Variants in CSMD1 observed in about 807,000 individuals in gnomAD.
The protein encoded by CSMD1 is CUB and sushi domain-containing protein 1.
Under a neutral mutation model 417.5 loss-of-function variants are expected in CSMD1, and 213 were observed. The ratio of observed to expected loss-of-function variants is 0.51; its 90% CI spans 0.46 to 0.57. The LOEUF is 0.57. Ranked by LOEUF, CSMD1 falls within the 20% of genes least tolerant of loss-of-function variation. The pLI is 0.00. For missense variants in CSMD1, 6,923 were observed against 4,529.7 expected (o/e 1.53, Z -15.17); for synonymous variants, 2,862 against 1,736.8 (o/e 1.65, Z -16.11).
intron 7 of CSMD1, among the ~76,000 whole-genome samples, chr8:3,663,044 G>T (rs1030758080): frequency 6.6e-6 from 1 of 152,096 alleles, no homozygotes; most frequent in East Asian, 1.9e-4. Context: ...TTGTCTGGCA[G>T]TGGGAATAAA....
chr8:3,900,213 G>T (rs1428474176), intron 5 of CSMD1, among the ~76,000 whole-genome samples: 1 of 152,144 alleles, frequency 6.6e-6, no homozygotes, highest in South Asian at 2.1e-4. Context: ...TGACAGTGGA[G>T]CTGGGTGACA....
intron 6 of CSMD1, among the ~76,000 whole-genome samples, chr8:3,713,015 G>T (rs545355515): frequency 6.6e-6 from 1 of 152,054 alleles, no homozygotes; most frequent in African/African-American, 2.4e-5. Flanking sequence ...CGCAAACCAA[G>T]AAGTATGTGA....
At chr8:3,471,595 C>T (rs892529086) in intron 11 of CSMD1, among the ~76,000 whole-genome samples, 2 of 144,072 alleles carry the variant, frequency 1.4e-5, no homozygotes, top group Admixed American at 7.0e-5. Context: ...TCCTTCCCTC[C>T]CTCCTTCTTC....
rs141055413 is a variant in CSMD1, at chr8:4,965,022, T to C, written c.85+29310A>G. ...ACTTCAAAAACTGTCCTCCACAATA[T>C]GCACGTTGCTTTACTTTAAAGAAGG... On this transcript the variant is annotated intron_variant, in intron 1 of 69. Coordinates refer to ENST00000635120, the MANE Select transcript of CSMD1 (RefSeq NM_033225.6). Among the ~76,000 whole-genome samples, 467 of 152,290 alleles carry C rather than the reference T, an allele frequency of 3.1e-3. 5 individuals carry two copies. The highest frequency in any genetic ancestry group is 0.011 in the African/African-American group (437 of 41,568).
intron 1 of CSMD1, among the ~76,000 whole-genome samples, chr8:4,792,236 C>A (rs902484131): frequency 2.6e-5 from 4 of 152,088 alleles, no homozygotes; most frequent in African/African-American, 2.4e-5. Flanking sequence ...ATGTATAGAA[C>A]TGAAAAATAA....
chr8:3,486,621 G>A (rs1042831981), intron 11 of CSMD1, among the ~76,000 whole-genome samples: 8 of 152,204 alleles, frequency 5.3e-5, no homozygotes, highest in African/African-American at 1.9e-4. Context: ...TCAGCTGCCT[G>A]GAGCCCAGAT....
At chr8:4,974,264 G>A (rs1401753401) in intron 1 of CSMD1, among the ~76,000 whole-genome samples, 1 of 151,540 alleles carries the variant, frequency 6.6e-6, no homozygotes, top group Non-Finnish European at 1.5e-5. Context: ...GACCTCATGT[G>A]ATCCACCTGT....
intron 10 of CSMD1, among the ~76,000 whole-genome samples, chr8:3,550,033 G>A (rs1798841037): frequency 1.3e-5 from 2 of 152,092 alleles, no homozygotes; most frequent in South Asian, 2.1e-4. Flanking sequence ...ATTTAACTCT[G>A]ATTTTTCTTG....
At chr8:3,809,697 A>G (rs1800953929) in intron 5 of CSMD1, among the ~76,000 whole-genome samples, 1 of 152,180 alleles carries the variant, frequency 6.6e-6, no homozygotes, top group African/African-American at 2.4e-5. Flanking sequence ...CCACACTTCC[A>G]GAGACACTGC....
chr8:4,697,434 G>T (rs192641593), intron 1 of CSMD1, among the ~76,000 whole-genome samples: 4 of 152,046 alleles, frequency 2.6e-5, no homozygotes, highest in African/African-American at 4.8e-5. Context: ...GCTCATATTT[G>T]CTTACAGAGG....
chr8:2,978,658 G>C lies in CSMD1; in HGVS notation c.8520C>G (p.Thr2840=), dbSNP rs113793430. 6,584 of 1,607,230 alleles carry C rather than the reference G, an allele frequency of 4.1e-3. 14 individuals are homozygous for C. The highest frequency in any genetic ancestry group is 5.0e-3 in the Non-Finnish European group (5,919 of 1,176,726). The change falls in exon 55 of 70, where the codon ACC becomes ACG. Residue 2840 remains threonine, a synonymous_variant. Transcript: ENST00000635120. The part of the protein sequence containing the change: ...GFYLLGSSAL[T]CMANGLWDRS... The stretch of plus-strand genomic sequence containing the variant: ...GGTCCCATAAGCCATTTGCCATACA[G>C]GTCAAGGCTGAAGATCCCAGCAAGT...
chr8:3,169,417 A>G, intron 37 of CSMD1, among the ~76,000 whole-genome samples: 1 of 152,024 alleles, frequency 6.6e-6, no homozygotes, highest in South Asian at 2.1e-4. Context: ...AGCCAGTATC[A>G]AAAAAAAGAC....
intron 26 of CSMD1, among the ~76,000 whole-genome samples, chr8:3,231,317 C>CT (rs1741300774): frequency 6.6e-6 from 1 of 152,066 alleles, no homozygotes; most frequent in South Asian, 2.1e-4. Context: ...TAAAAGCTGA[C>CT]TTTTTCTCTG....
At chr8:3,787,797 T>G (rs1215753077) in intron 5 of CSMD1, among the ~76,000 whole-genome samples, 3 of 152,236 alleles carry the variant, frequency 2.0e-5, no homozygotes, top group Non-Finnish European at 4.4e-5. Context: ...CACTTTTTAG[T>G]ACTTTAAATG....
At chr8:4,890,651 G>C (rs966203703) in intron 1 of CSMD1, among the ~76,000 whole-genome samples, 16 of 152,004 alleles carry the variant, frequency 1.1e-4, no homozygotes, top group African/African-American at 3.6e-4. Context: ...TCCTGGGCAG[G>C]ACAGATGAGA....
intron 2 of CSMD1, among the ~76,000 whole-genome samples, chr8:4,620,610 G>A (rs1414719569): frequency 6.6e-6 from 1 of 151,798 alleles, no homozygotes; most frequent in African/African-American, 2.4e-5. Flanking sequence ...AAATAAGACT[G>A]CTTGAAAAGC....
chr8:3,173,977 T>C (rs537713976), intron 37 of CSMD1, among the ~76,000 whole-genome samples: 17 of 152,328 alleles, frequency 1.1e-4, no homozygotes, highest in African/African-American at 4.1e-4. Context: ...TCCAGAATTT[T>C]AATCCTCATT....
intron 1 of CSMD1, among the ~76,000 whole-genome samples, chr8:4,891,581 A>T (rs1017564714): frequency 6.6e-6 from 1 of 152,106 alleles, no homozygotes; most frequent in Non-Finnish European, 1.5e-5. Flanking sequence ...TTTATTTTTC[A>T]TCTCTTTTAG....
rs957394953 is a variant in CSMD1, at chr8:4,760,243, G to A, written c.86-122685C>T. ...TATTGTTATATGCACTATTTTTAGAGTACTATTTGCTTAAAAAGGAATGCA... is the reference window on the plus strand; with the variant it reads ...TATTGTTATATGCACTATTTTTAGAATACTATTTGCTTAAAAAGGAATGCA... On this transcript the variant is annotated intron_variant, in intron 1 of 69. Transcript: ENST00000635120. Among the ~76,000 whole-genome samples the A allele has an allele frequency of 3.3e-5, 5 of 152,140 alleles. No homozygotes were observed. In the East Asian group the frequency reaches 7.7e-4, roughly 23 times the overall value.
Sources: allele counts gnomAD v4.1 joint callset (sites outside exome capture counted in the v4.1 genomes callset), GRCh38; gene constraint gnomAD v4.1.1; transcripts MANE v1.5; gene names NCBI Gene and HGNC (gene_info 2026-07-23, HGNC 2026-07-21).